PLP1: variants seen among roughly 807,000 people sequenced by gnomAD.
The protein encoded by PLP1 is proteolipid protein 1.
Under a neutral mutation model 18.5 loss-of-function variants are expected in PLP1, and 2 were observed. The observed-to-expected ratio is 0.11, with a 90% CI of 0.04 to 0.34. The LOEUF is 0.34. Ranked by LOEUF, PLP1 falls within the 10% of genes least tolerant of loss-of-function variation. PLP1 has a pLI of 1.00. For missense variants in PLP1, 105 were observed against 207.3 expected (o/e 0.51, Z 3.03); for synonymous variants, 86 against 83.2 (o/e 1.03, Z -0.19).
chrX:103,790,375 C>T, intron 6 of PLP1, 152 bp from the exon 7 acceptor site: 1 of 541,875 alleles, frequency 1.8e-6, no homozygotes, highest in Non-Finnish European at 3.3e-6. Flanking sequence ...TGGAGAAAGC[C>T]AAGCCTGGGA....
intron 1 of PLP1, among the ~76,000 whole-genome samples, chrX:103,783,451 G>C (rs1174121397): frequency 8.9e-6 from 1 of 112,270 alleles, no homozygotes; most frequent in Non-Finnish European, 1.9e-5. Flanking sequence ...TGTTTGGCTT[G>C]GGCTTCTGAG....
Position 103,785,676 on chromosome X carries a change from T to C in PLP1, c.99T>C (p.Cys33=), listed in dbSNP as rs2074489420. ...GLCFFGVALF[C]GCGHEALTGT... is the part of the protein sequence containing the mutation. ...GTTTCTTTGGGGTGGCACTGTTCTG[T>C]GGCTGTGGACATGAAGCCCTCACTG... The change falls in exon 2 of 7, where the codon TGT becomes TGC. Residue 33 remains cysteine (C), a synonymous_variant. Transcript: ENST00000621218. 1.7e-6 allele frequency: 2 copies of C among 1,210,145 alleles called. No individual in the cohort carries two copies. Among genetic ancestry groups the C allele is most frequent in the African/African-American group, 3.5e-5 (2 of 57,807 alleles).
At chrX:103,777,099 G>A (rs2074416978) in intron 1 of PLP1, 100 bp downstream of exon 1, 2 of 689,912 alleles carry the variant, frequency 2.9e-6, no homozygotes, top group Non-Finnish European at 4.6e-6. Flanking sequence ...GTTTAAATGA[G>A]TCGTGTTTTG....
rs756994985 is a variant in PLP1, at chrX:103,787,690, G to C, written c.454-108G>C. ...TAATTTCATTTGAAGGAGAGCCCTG[G>C]AACCTGGTTTTAATGTCTGGCACAC... On this transcript the variant is annotated intron_variant, in intron 3 of 6. Coordinates refer to ENST00000621218, the MANE Select transcript of PLP1 (RefSeq NM_000533.5). The C allele has an allele frequency of 4.5e-6, 3 of 665,324 alleles. No homozygotes were observed. In the South Asian group the frequency reaches 6.5e-5, roughly 14 times the overall value. The allele number at this position is 665,324 out of a possible 1,213,427, so 54.8% of individuals were successfully genotyped here. A position where few individuals can be genotyped will look rare whatever the true frequency, so the allele number is the denominator to read the frequency against.
At chrX:103,779,094 A>G (rs2074432830) in intron 1 of PLP1, among the ~76,000 whole-genome samples, 1 of 112,622 alleles carries the variant, frequency 8.9e-6, no homozygotes, top group African/African-American at 3.2e-5. Context: ...GGGGAAAATG[A>G]TAGCTCATTA....
chrX:103,781,460 C>T (rs964033800), intron 1 of PLP1, among the ~76,000 whole-genome samples: 7 of 111,999 alleles, frequency 6.3e-5, no homozygotes, highest in East Asian at 5.6e-4. Flanking sequence ...TGATCTTTTC[C>T]CTTTGCTTAC....
chrX:103,787,590 C>T, intron 3 of PLP1: 1 of 455,633 alleles, frequency 2.2e-6, no homozygotes, highest in East Asian at 3.7e-5. Context: ...ACCCATTCCC[C>T]CCACCCTCCG....
chrX:103,786,428 A>G, intron 2 of PLP1, 37 bp from the exon 3 acceptor site: 2 of 1,193,063 alleles, frequency 1.7e-6, no homozygotes, highest in Non-Finnish European at 2.3e-6. Flanking sequence ...TCAATTAATA[A>G]GATTCCCTGG....
intron 6 of PLP1, among the ~76,000 whole-genome samples, chrX:103,790,121 A>T (rs933910884): frequency 2.7e-5 from 3 of 112,295 alleles, no homozygotes; most frequent in African/African-American, 6.5e-5. Flanking sequence ...AAACGAATTG[A>T]TTCATTAACC....
In PLP1 at chrX:103,788,509, A is replaced by G; in HGVS notation, c.695A>G (p.Glu232Gly). Reference sequence around the variant, plus strand: ...CTTCTGTCCATCTGCAAAACAGCTGAGGTGAGTGGGTTATTTGGGTTATTT... The same window carrying G: ...CTTCTGTCCATCTGCAAAACAGCTGGGGTGAGTGGGTTATTTGGGTTATTT... ...SNLLSICKTA[E>G]FQMTFHLFIA... is the part of the protein sequence containing the mutation. The change falls in exon 5 of 7, where the codon GAG (glutamate) becomes GGG (glycine). Residue 232 changes from glutamate (E) to glycine (G), a missense_variant and splice_region_variant. Physicochemically the swap from Glu to Gly is moderately conservative, Grantham distance 98. Coordinates refer to ENST00000621218, the MANE Select transcript of PLP1 (RefSeq NM_000533.5). 8.4e-7 allele frequency: 1 copy of G among 1,190,695 alleles called. No individual in the cohort carries two copies. Among genetic ancestry groups the G allele is most frequent in the Non-Finnish European group, 1.1e-6 (1 of 876,268 alleles).
intron 1 of PLP1, among the ~76,000 whole-genome samples, chrX:103,783,246 A>G (rs2074468474): frequency 1.8e-5 from 2 of 112,360 alleles, no homozygotes; most frequent in Admixed American, 1.9e-4. Flanking sequence ...GTGTGCACAC[A>G]CACAGACACA....
At chrX:103,783,383 C>T (rs1002815311) in intron 1 of PLP1, among the ~76,000 whole-genome samples, 1 of 112,497 alleles carries the variant, frequency 8.9e-6, no homozygotes, top group Non-Finnish European at 1.9e-5. Context: ...AGTTTCCTGG[C>T]AGCAATGCTT....
intron 1 of PLP1, chrX:103,781,129 G>A (rs2074450266): frequency 4.4e-6 from 1 of 229,355 alleles, no homozygotes; most frequent in Non-Finnish European, 8.4e-6. Context: ...TTCGATGAAA[G>A]CCCTTCCTCT....
At position 103,786,467 on chromosome X, in the gene PLP1, T is replaced by G. The variant is rs1191076247; in HGVS notation, c.194T>G (p.Ile65Ser). ...CGTTTGTCTACCTGTTAATGCAGGATCCATGCCTTCCAGTATGTCATCTAT... is the reference window on the plus strand; with the variant it reads ...CGTTTGTCTACCTGTTAATGCAGGAGCCATGCCTTCCAGTATGTCATCTAT... ...YQDYEYLINVIHAFQYVIYGT... is the reference protein window; with the variant it reads ...YQDYEYLINVSHAFQYVIYGT... The change falls in exon 3 of 7, where the codon ATC becomes AGC. Residue 65 changes from isoleucine (I) to serine (S), a missense_variant and splice_region_variant. Transcript: ENST00000621218. The G allele has an allele frequency of 3.3e-6, 4 of 1,208,290 alleles. No homozygotes were observed. The highest frequency in any genetic ancestry group is 4.5e-6 in the Non-Finnish European group (4 of 892,521).
intron 1 of PLP1, among the ~76,000 whole-genome samples, chrX:103,780,468 T>TGTGC (rs780722962): frequency 3.6e-5 from 4 of 109,649 alleles, no homozygotes; most frequent in African/African-American, 1.3e-4. Context: ...TGTGTGTGTG[T>TGTGC]GCGCGTCTGA....
chrX:103,786,626 C>T lies in PLP1; in HGVS notation c.353C>T (p.Thr118Ile). 3 of 1,211,413 alleles carry T rather than the reference C, an allele frequency of 2.5e-6. No individual in the cohort carries two copies. The highest frequency in any genetic ancestry group is 3.4e-6 in the Non-Finnish European group (3 of 895,146). ...ICGKGLSATV[T>I]GGQKGRGSRG... ...GGCAAGGGCCTGAGCGCAACGGTAACAGGGGGCCAGAAGGGGAGGGGTTCC... is the reference window on the plus strand; with the variant it reads ...GGCAAGGGCCTGAGCGCAACGGTAATAGGGGGCCAGAAGGGGAGGGGTTCC... The change falls in exon 3 of 7, where the codon ACA becomes ATA. Residue 118 changes from threonine to isoleucine, a missense_variant. Transcript: ENST00000621218.
At chrX:103,785,078 C>T (rs1720964792) in intron 1 of PLP1, among the ~76,000 whole-genome samples, 2 of 105,945 alleles carry the variant, frequency 1.9e-5, no homozygotes, top group Admixed American at 1.0e-4. Context: ...TTCTTTCTTT[C>T]TTTTTTTTTT....
intron 1 of PLP1, among the ~76,000 whole-genome samples, chrX:103,782,520 T>C (rs1386104199): frequency 1.8e-5 from 2 of 112,131 alleles, no homozygotes; most frequent in Non-Finnish European, 3.8e-5. Flanking sequence ...TGGATGATGA[T>C]TGAGGGATCA....
At chrX:103,786,281 C>T (rs1299681343) in intron 2 of PLP1, 184 bp from the exon 3 acceptor site, 3 of 1,086,208 alleles carry the variant, frequency 2.8e-6, no homozygotes, top group Non-Finnish European at 3.8e-6. Context: ...CACATACACC[C>T]TGTCTTCACT....
Sources: allele counts gnomAD v4.1 joint callset (sites outside exome capture counted in the v4.1 genomes callset), GRCh38; gene constraint gnomAD v4.1.1; transcripts MANE v1.5; gene names NCBI Gene and HGNC (gene_info 2026-07-23, HGNC 2026-07-21).